The following FSTL5 variants were observed in gnomAD, a reference collection of about 807,000 sequenced individuals.
The protein encoded by FSTL5 is follistatin like 5, also known as follistatin-related protein 5.
In FSTL5, 62 loss-of-function variants were observed where a neutral mutation model predicts 89.1. The ratio of observed to expected loss-of-function variants is 0.70; its 90% confidence interval spans 0.57 to 0.86. The LOEUF (loss-of-function observed/expected upper bound fraction) is 0.86, where lower values mean the gene tolerates loss of function less well. FSTL5 is among the 40% of genes least tolerant of loss of function. The pLI, the probability that FSTL5 is intolerant of heterozygous loss-of-function variation, is 0.00. For synonymous variants in FSTL5, 383 were observed against 346.2 expected (o/e 1.11, Z -1.18); for missense variants, 1,057 against 1,001.6 (o/e 1.06, Z -0.75).
chr4:161,430,432 C>T (rs1220977633), intron 15 of FSTL5, among the ~76,000 whole-genome samples: 1 of 152,140 alleles, frequency 6.6e-6, no homozygotes, highest in Non-Finnish European at 1.5e-5. Context: ...ATAAGACTAT[C>T]TCTAGACATT....
chr4:161,999,468 A>G (rs550377152), intron 3 of FSTL5, among the ~76,000 whole-genome samples: 1 of 152,290 alleles, frequency 6.6e-6, no homozygotes, highest in Admixed American at 6.5e-5. Flanking sequence ...GATAAGAAAA[A>G]TTCATATTAA....
At chr4:161,542,939 T>G (rs1731882616) in intron 8 of FSTL5, among the ~76,000 whole-genome samples, 1 of 151,884 alleles carries the variant, frequency 6.6e-6, no homozygotes, top group Non-Finnish European at 1.5e-5. Flanking sequence ...TTTCAGAAAT[T>G]AAACAAGTCC....
At chr4:161,919,995 C>T (rs1733947558) in intron 4 of FSTL5, among the ~76,000 whole-genome samples, 1 of 152,086 alleles carries the variant, frequency 6.6e-6, no homozygotes, top group Non-Finnish European at 1.5e-5. Flanking sequence ...AAACTGAAAC[C>T]ATCGTTTTTA....
chr4:161,782,271 G>A (rs932863596), intron 4 of FSTL5, among the ~76,000 whole-genome samples: 10 of 152,156 alleles, frequency 6.6e-5, no homozygotes, highest in Admixed American at 5.9e-4. Flanking sequence ...AAGCATGATT[G>A]CTGCATGATA....
chr4:161,468,432 T>C (rs1403353239), intron 13 of FSTL5, among the ~76,000 whole-genome samples: 2 of 152,032 alleles, frequency 1.3e-5, no homozygotes, highest in Non-Finnish European at 2.9e-5. Context: ...CAGTGACTAT[T>C]AGAAAAACCT....
chr4:162,000,406 C>T (rs1009447092), intron 3 of FSTL5, among the ~76,000 whole-genome samples: 1 of 151,900 alleles, frequency 6.6e-6, no homozygotes, highest in Non-Finnish European at 1.5e-5. Context: ...GTCTGGCCAA[C>T]ATGATGAAAC....
intron 5 of FSTL5, among the ~76,000 whole-genome samples, chr4:161,760,049 T>C (rs2126789914): frequency 6.6e-6 from 1 of 152,294 alleles, no homozygotes; most frequent in South Asian, 2.1e-4. Context: ...ATTTAAGTCA[T>C]TTGGGATTGT....
chr4:161,603,838 C>G (rs1204682519), intron 7 of FSTL5, among the ~76,000 whole-genome samples: 1 of 151,818 alleles, frequency 6.6e-6, no homozygotes, highest in Non-Finnish European at 1.5e-5. Context: ...ATGATATGCC[C>G]CAAAGATTAA....
At chr4:161,846,774 A>G (rs879934125) in intron 4 of FSTL5, among the ~76,000 whole-genome samples, 2 of 152,156 alleles carry the variant, frequency 1.3e-5, no homozygotes, top group Non-Finnish European at 2.9e-5. Context: ...GAACCAACAT[A>G]TTATCTGCTC....
At chr4:161,883,066 T>C (rs76877831) in intron 4 of FSTL5, among the ~76,000 whole-genome samples, 54 of 152,314 alleles carry the variant, frequency 3.5e-4, no homozygotes, top group African/African-American at 1.3e-3. Context: ...CAGCTAAAGA[T>C]ATGTTTAGGA....
chr4:161,600,999 G>A (rs573673461), intron 7 of FSTL5, among the ~76,000 whole-genome samples: 64 of 152,186 alleles, frequency 4.2e-4, no homozygotes, highest in African/African-American at 8.9e-4. Flanking sequence ...CTACACTAGG[G>A]CATTGGAAGA....
intron 4 of FSTL5, among the ~76,000 whole-genome samples, chr4:161,800,746 C>T (rs377299458): frequency 6.6e-6 from 1 of 151,420 alleles, no homozygotes; most frequent in Non-Finnish European, 1.5e-5. Context: ...AAACTTGTTA[C>T]CTTAAAAAAT....
At position 161,685,714 on chromosome 4, in the gene FSTL5, G is replaced by A. The variant is rs918670735; in HGVS notation, c.728-29220C>T. Among the ~76,000 whole-genome samples the A allele has an allele frequency of 6.6e-5, 10 of 152,140 alleles. No individual in the cohort carries two copies. The South Asian group carries it at 1.0e-3, about 16-fold the overall frequency. ...ATCATATCATTAGCAAACAAAGACC[G>A]TTTGACTTCTTCTTTCCCAATTTGG... On this transcript the variant is annotated intron_variant, in intron 6 of 15. Coordinates refer to ENST00000306100, the MANE Select transcript of FSTL5 (RefSeq NM_020116.5).
At chr4:161,752,559 T>C (rs946568946) in intron 6 of FSTL5, among the ~76,000 whole-genome samples, 1 of 152,212 alleles carries the variant, frequency 6.6e-6, no homozygotes, top group African/African-American at 2.4e-5. Flanking sequence ...AGTAAGTTCC[T>C]TTCTGCCAAA....
At chr4:161,816,148 C>T (rs1010931331) in intron 4 of FSTL5, among the ~76,000 whole-genome samples, 2 of 152,128 alleles carry the variant, frequency 1.3e-5, no homozygotes, top group African/African-American at 4.8e-5. Flanking sequence ...GGCTCTGACT[C>T]TGGACCCTGG....
At chr4:161,869,831 A>G (rs948645111) in intron 4 of FSTL5, among the ~76,000 whole-genome samples, 11 of 152,216 alleles carry the variant, frequency 7.2e-5, no homozygotes, top group Non-Finnish European at 1.5e-4. Context: ...TCCAGGGTGT[A>G]TGTGTCTTAC....
At chr4:161,864,661 A>T (rs1417706417) in intron 4 of FSTL5, among the ~76,000 whole-genome samples, 2 of 151,958 alleles carry the variant, frequency 1.3e-5, no homozygotes, top group African/African-American at 4.8e-5. Context: ...CAGGAGGTCA[A>T]GAGATTGAGA....
chr4:161,613,943 TTA>T (rs1280089403), intron 7 of FSTL5, among the ~76,000 whole-genome samples: 5 of 115,248 alleles, frequency 4.3e-5, no homozygotes, highest in African/African-American at 1.3e-4. Context: ...CATGTTATGT[TTA>T]TTTTATTTCG....
At chr4:161,683,405 T>C (rs1244984265) in intron 6 of FSTL5, among the ~76,000 whole-genome samples, 2 of 152,176 alleles carry the variant, frequency 1.3e-5, no homozygotes, top group Non-Finnish European at 2.9e-5. Flanking sequence ...TCATTAGATA[T>C]GTGATTTTGG....
Sources: allele counts gnomAD v4.1 joint callset (sites outside exome capture counted in the v4.1 genomes callset), GRCh38; gene constraint gnomAD v4.1.1; transcripts MANE v1.5; gene names NCBI Gene and HGNC (gene_info 2026-07-23, HGNC 2026-07-21).